LRFN5: variants seen among roughly 807,000 people sequenced by gnomAD.
LRFN5 encodes the protein leucine-rich repeat and fibronectin type-III domain-containing protein 5.
LRFN5 carries 24 observed loss-of-function variants against 45.6 expected under a neutral mutation model. The ratio of observed to expected loss-of-function variants is 0.53; its 90% CI spans 0.38 to 0.74. The LOEUF (loss-of-function observed/expected upper bound fraction) is 0.74. LRFN5 is among the 30% of genes least tolerant of loss of function. The pLI, the probability that LRFN5 is intolerant of heterozygous loss-of-function variation, is 0.00. For missense variants in LRFN5, 776 were observed against 861.5 expected, an observed-to-expected ratio of 0.90 and a Z score of 1.24; for synonymous variants, 340 against 313.8, an observed-to-expected ratio of 1.08 and a Z score of -0.88.
At chr14:41,764,859 GATTATATATGCAGAATACATA>G (rs1205080599) in intron 1 of LRFN5, among the ~76,000 whole-genome samples, 24 of 42,674 alleles carry the variant, frequency 5.6e-4, no homozygotes, top group Non-Finnish European at 9.6e-4. Flanking sequence ...ACATATATAT[GATTATATATGCAGAATACATA>G]TATATTCATA....
At position 41,671,624 on chromosome 14, in the gene LRFN5, T is replaced by TTTTTTTTTTTTG. The variant is rs1272130710; in HGVS notation, c.-197+63073_-197+63074insGTTTTTTTTTTT. 2.2e-5 allele frequency among the ~76,000 whole-genome samples: 3 copies of TTTTTTTTTTTTG among 138,552 alleles called. 1 individual carries two copies. In the East Asian group the frequency reaches 6.5e-4, roughly 30 times the overall value. 90.9% of individuals were successfully genotyped at this position (138,552 alleles called of 152,430 possible). On this transcript the variant is annotated intron_variant, in intron 1 of 5. Transcript: ENST00000298119. ...GAGAGATTTTTTTTTTTCGTTTTTT[T>TTTTTTTTTTTTG]TTTTTTTTTTTTTACGGAGTTTCCT...
chr14:41,894,292 T>C lies in LRFN5; in HGVS notation c.2098+2330T>C, dbSNP rs530869004. The C allele has an allele frequency of 5.3e-6, 5 of 944,946 alleles. No individual in the cohort carries two copies. The African/African-American group carries it at 8.9e-5, about 17-fold the overall frequency. 58.5% of individuals were successfully genotyped at this position (944,946 alleles called of 1,614,324 possible). A position where few individuals can be genotyped will look rare whatever the true frequency, so the allele number is the denominator to read the frequency against. ...TTTTTAAAAATCAATTGCCTACTTA[T>C]GTTTCTAATAAAGTTTGATTAAATA... On this transcript the variant is annotated intron_variant, in intron 4 of 5. Coordinates refer to ENST00000298119, the MANE Select transcript of LRFN5 (RefSeq NM_152447.5).
intron 1 of LRFN5, among the ~76,000 whole-genome samples, chr14:41,679,007 A>C (rs1231312424): frequency 6.6e-6 from 1 of 151,888 alleles, no homozygotes; most frequent in East Asian, 2.0e-4. Flanking sequence ...TCACAGCAGG[A>C]TGCAACACCA....
intron 2 of LRFN5, among the ~76,000 whole-genome samples, chr14:41,854,362 C>T (rs571777808): frequency 1.3e-5 from 2 of 149,084 alleles, no homozygotes; most frequent in Non-Finnish European, 3.0e-5. Context: ...AGGGGCCTGT[C>T]GTGGGGTGGG....
chr14:41,832,593 C>T (rs1888523700), intron 2 of LRFN5, among the ~76,000 whole-genome samples: 1 of 152,082 alleles, frequency 6.6e-6, no homozygotes, highest in Non-Finnish European at 1.5e-5. Context: ...AGCTGTTCAC[C>T]TTTGCACAAC....
chr14:41,738,211 C>A lies in LRFN5; in HGVS notation c.-196-28643C>A, dbSNP rs376960324. 3.7e-3 allele frequency among the ~76,000 whole-genome samples: 556 copies of A among 152,196 alleles called. 19 individuals carry two copies. The East Asian group carries it at 0.08, about 22-fold the overall frequency. Reference sequence around the variant, plus strand: ...ACACCACACATCTACAACCGTCTGACCTTTGACAAACCTGACAAAAGTGAG... The same window carrying A: ...ACACCACACATCTACAACCGTCTGAACTTTGACAAACCTGACAAAAGTGAG... On this transcript the variant is annotated intron_variant, in intron 1 of 5. Coordinates refer to ENST00000298119, the MANE Select transcript of LRFN5 (RefSeq NM_152447.5).
intron 2 of LRFN5, among the ~76,000 whole-genome samples, chr14:41,838,863 T>G (rs1162150517): frequency 1.3e-5 from 2 of 152,150 alleles, no homozygotes; most frequent in Non-Finnish European, 2.9e-5. Flanking sequence ...CTTGGCTCAT[T>G]GCCTCTACAC....
intron 2 of LRFN5, among the ~76,000 whole-genome samples, chr14:41,813,381 T>C (rs1168127108): frequency 1.3e-5 from 2 of 152,022 alleles, no homozygotes; most frequent in Non-Finnish European, 2.9e-5. Flanking sequence ...TGTGTGATGT[T>C]CCCCTCCCTG....
chr14:41,710,695 A>G (rs1245916354), intron 1 of LRFN5, among the ~76,000 whole-genome samples: 1 of 152,128 alleles, frequency 6.6e-6, no homozygotes, highest in Non-Finnish European at 1.5e-5. Context: ...ATGTATACAC[A>G]TGCCAAGCTG....
intron 2 of LRFN5, among the ~76,000 whole-genome samples, chr14:41,817,392 A>C (rs1377813616): frequency 2.0e-5 from 3 of 152,118 alleles, no homozygotes; most frequent in Non-Finnish European, 4.4e-5. Flanking sequence ...TGCTATGAAT[A>C]GACTGTTAGT....
At chr14:41,661,813 G>A (rs1880669442) in intron 1 of LRFN5, among the ~76,000 whole-genome samples, 1 of 151,850 alleles carries the variant, frequency 6.6e-6, no homozygotes, top group African/African-American at 2.4e-5. Context: ...AGTAATTTGT[G>A]GGAAAAAATA....
At chr14:41,756,319 C>T (rs921739477) in intron 1 of LRFN5, among the ~76,000 whole-genome samples, 23 of 152,146 alleles carry the variant, frequency 1.5e-4, no homozygotes, top group Admixed American at 1.2e-3. Flanking sequence ...GTCTGCCTCG[C>T]TAGATTGGGG....
At chr14:41,816,330 T>G (rs1188150343) in intron 2 of LRFN5, among the ~76,000 whole-genome samples, 2 of 152,148 alleles carry the variant, frequency 1.3e-5, no homozygotes, top group Non-Finnish European at 2.9e-5. Flanking sequence ...TTAGATCAAT[T>G]AAGAACAAGA....
At chr14:41,633,882 T>C (rs959358062) in intron 1 of LRFN5, among the ~76,000 whole-genome samples, 1 of 152,090 alleles carries the variant, frequency 6.6e-6, no homozygotes, top group African/African-American at 2.4e-5. Flanking sequence ...CCCTATGCTT[T>C]ATAGCAATCC....
intron 2 of LRFN5, among the ~76,000 whole-genome samples, chr14:41,778,972 T>G (rs1416905637): frequency 6.6e-6 from 1 of 151,856 alleles, no homozygotes; most frequent in African/African-American, 2.4e-5. Context: ...TTATGTCTTC[T>G]TGATCTGTGC....
chr14:41,623,677 T>C (rs1594558661), intron 1 of LRFN5, among the ~76,000 whole-genome samples: 1 of 152,156 alleles, frequency 6.6e-6, no homozygotes, highest in East Asian at 1.9e-4. Context: ...GGCCCTACTC[T>C]CTAGTTTTAA....
chr14:41,651,501 C>T (rs555985949), intron 1 of LRFN5, among the ~76,000 whole-genome samples: 11 of 152,080 alleles, frequency 7.2e-5, no homozygotes, highest in Non-Finnish European at 1.5e-4. Flanking sequence ...CATTTATTAC[C>T]AGGTAGTTGT....
chr14:41,835,235 C>T (rs1005402974), intron 2 of LRFN5, among the ~76,000 whole-genome samples: 3 of 152,084 alleles, frequency 2.0e-5, no homozygotes, highest in African/African-American at 4.8e-5. Context: ...ACATACAGGA[C>T]ATCATTTTTG....
intron 1 of LRFN5, among the ~76,000 whole-genome samples, chr14:41,641,263 T>C (rs1323496821): frequency 1.3e-5 from 2 of 152,068 alleles, no homozygotes; most frequent in Admixed American, 6.6e-5. Flanking sequence ...ATATTAACTA[T>C]AAATTCAGGT....
Sources: gnomAD v4.1 joint callset for allele counts (sites outside exome capture counted in the v4.1 genomes callset) on GRCh38, gnomAD v4.1.1 for gene constraint, MANE v1.5 for transcripts, NCBI Gene and HGNC (gene_info 2026-07-23, HGNC 2026-07-21) for gene names.